Variants in EYS observed in about 807,000 individuals in gnomAD.
The protein encoded by EYS is EGF-like photoreceptor maintenance factor, also known as protein eyes shut homolog.
Under a neutral mutation model 282.1 loss-of-function variants are expected in EYS, and 250 were observed. The observed-to-expected ratio is 0.89, with a 90% CI of 0.80 to 0.98. The LOEUF is 0.98. EYS is among the 50% of genes least tolerant of loss of function. The pLI, the probability that EYS is intolerant of heterozygous loss-of-function variation, is 0.00. For synonymous variants in EYS, 1,355 were observed against 1,282.9 expected, an observed-to-expected ratio of 1.06 and a Z score of -1.20; for missense variants, 4,016 against 3,709.0, an observed-to-expected ratio of 1.08 and a Z score of -2.15.
intron 12 of EYS, among the ~76,000 whole-genome samples, chr6:65,199,677 C>T (rs1429519099): frequency 6.6e-6 from 1 of 152,060 alleles, no homozygotes; most frequent in African/African-American, 2.4e-5. Flanking sequence ...CTTAAAAATA[C>T]TGAATCATCT....
intron 33 of EYS, among the ~76,000 whole-genome samples, chr6:64,038,174 G>A (rs1226422537): frequency 1.3e-5 from 2 of 152,094 alleles, no homozygotes; most frequent in African/African-American, 2.4e-5. Flanking sequence ...ATTGGGGGAT[G>A]TGGATAGGGC....
intron 12 of EYS, among the ~76,000 whole-genome samples, chr6:65,120,289 AG>A (rs1161022000): frequency 6.6e-6 from 1 of 151,840 alleles, no homozygotes; most frequent in African/African-American, 2.4e-5. Flanking sequence ...GGTTTAAATC[AG>A]AAAACATACT....
intron 22 of EYS, among the ~76,000 whole-genome samples, chr6:64,720,683 A>G (rs1297661335): frequency 6.6e-6 from 1 of 152,194 alleles, no homozygotes; most frequent in East Asian, 1.9e-4. Flanking sequence ...TGAAGACTAT[A>G]CTAGTGAGGG....
At chr6:64,312,217 G>A (rs1227394302) in intron 29 of EYS, among the ~76,000 whole-genome samples, 10 of 152,024 alleles carry the variant, frequency 6.6e-5, no homozygotes, top group African/African-American at 9.7e-5. Flanking sequence ...CCATTACTGA[G>A]GCTTGAGTAG....
At chr6:64,815,987 G>C (rs1764732959) in intron 21 of EYS, among the ~76,000 whole-genome samples, 1 of 152,024 alleles carries the variant, frequency 6.6e-6, no homozygotes, top group Non-Finnish European at 1.5e-5. Flanking sequence ...AGATCCACAG[G>C]GTTGTCCTGT....
chr6:64,191,693 G>A (rs1254275901), intron 31 of EYS, among the ~76,000 whole-genome samples: 4 of 152,084 alleles, frequency 2.6e-5, no homozygotes, highest in Non-Finnish European at 5.9e-5. Context: ...ATTCCATGGT[G>A]TATATGTGCC....
chr6:65,371,815 A>T (rs1765164121), intron 8 of EYS, among the ~76,000 whole-genome samples: 1 of 150,910 alleles, frequency 6.6e-6, no homozygotes, highest in Admixed American at 6.6e-5. Flanking sequence ...AGGGACAGAC[A>T]GAATGAGAGA....
intron 12 of EYS, among the ~76,000 whole-genome samples, chr6:65,281,552 C>A (rs946251072): frequency 6.6e-6 from 1 of 152,132 alleles, no homozygotes; most frequent in Non-Finnish European, 1.5e-5. Flanking sequence ...ATGCTTGCAG[C>A]TGCACACTTT....
At chr6:65,511,038 C>A (rs1440400907) in intron 2 of EYS, among the ~76,000 whole-genome samples, 4 of 152,140 alleles carry the variant, frequency 2.6e-5, no homozygotes, top group African/African-American at 9.7e-5. Flanking sequence ...CTCACCAATT[C>A]CTTAAGGATA....
chr6:64,763,416 A>C (rs1361206529), intron 22 of EYS, among the ~76,000 whole-genome samples: 1 of 152,136 alleles, frequency 6.6e-6, no homozygotes, highest in African/African-American at 2.4e-5. Context: ...GAGATGTGCC[A>C]CACACTTTTA....
At chr6:64,903,919 C>A (rs1350417184) in intron 16 of EYS, among the ~76,000 whole-genome samples, 1 of 151,998 alleles carries the variant, frequency 6.6e-6, no homozygotes, top group African/African-American at 2.4e-5. Context: ...CTAAAAGTTA[C>A]TTAATCCAAA....
chr6:64,164,523 A>C (rs762423600), intron 31 of EYS, among the ~76,000 whole-genome samples: 37 of 152,226 alleles, frequency 2.4e-4, no homozygotes, highest in Non-Finnish European at 4.4e-4. Context: ...TTGTTTAGCA[A>C]TATCTCCTTT....
At chr6:64,303,830 A>G (rs1454765201) in intron 30 of EYS, among the ~76,000 whole-genome samples, 1 of 112,852 alleles carries the variant, frequency 8.9e-6, no homozygotes, top group Non-Finnish European at 1.8e-5. Context: ...GACAGAGCGA[A>G]ACTCCGTCTC....
chr6:64,369,532 C>T (rs552396063), intron 29 of EYS, among the ~76,000 whole-genome samples: 2 of 152,146 alleles, frequency 1.3e-5, no homozygotes, highest in South Asian at 2.1e-4. Context: ...TGGTTCTTCC[C>T]GTCTATGAGC....
chr6:65,214,909 C>T (rs571942760), intron 12 of EYS, among the ~76,000 whole-genome samples: 4 of 152,134 alleles, frequency 2.6e-5, no homozygotes, highest in Admixed American at 2.0e-4. Flanking sequence ...GATGATGGCA[C>T]GTCTGGTTAC....
At chr6:65,228,717 AATAGTAAT>A (rs1338557304) in intron 12 of EYS, among the ~76,000 whole-genome samples, 2 of 152,058 alleles carry the variant, frequency 1.3e-5, no homozygotes, top group Non-Finnish European at 2.9e-5. Flanking sequence ...CTACGAAAAA[AATAGTAAT>A]ACAATTGGAG....
At chr6:64,088,584 G>T (rs539789210) in intron 31 of EYS, among the ~76,000 whole-genome samples, 1 of 151,862 alleles carries the variant, frequency 6.6e-6, no homozygotes, top group Non-Finnish European at 1.5e-5. Flanking sequence ...AGCTATGAAA[G>T]CACAGTATTG....
intron 29 of EYS, among the ~76,000 whole-genome samples, chr6:64,334,610 T>C (rs984065573): frequency 2.0e-5 from 3 of 152,070 alleles, no homozygotes; most frequent in African/African-American, 7.2e-5. Flanking sequence ...GTTCTGGAGA[T>C]TATAGTCAGT....
intron 22 of EYS, among the ~76,000 whole-genome samples, chr6:64,694,323 A>C (rs753352910): frequency 6.6e-6 from 1 of 152,224 alleles, no homozygotes; most frequent in Non-Finnish European, 1.5e-5. Context: ...AATAAGGCAG[A>C]AAACAGCTCA....
Sources: allele counts gnomAD v4.1 joint callset (sites outside exome capture counted in the v4.1 genomes callset), GRCh38; gene constraint gnomAD v4.1.1; transcripts MANE v1.5; gene names NCBI Gene and HGNC (gene_info 2026-07-23, HGNC 2026-07-21).